Variants in TRPM1 observed in about 807,000 individuals in gnomAD.
TRPM1 encodes the protein transient receptor potential cation channel subfamily M member 1.
A neutral mutation model predicts 149.4 loss-of-function variants in TRPM1; 113 were observed. That is an observed-to-expected ratio of 0.76 (90% confidence interval 0.65 to 0.88). The LOEUF is 0.88. TRPM1 is among the 40% of genes least tolerant of loss of function. The probability of loss-of-function intolerance (pLI) is 0.00; values close to 1 mark genes in which losing one functional copy is unlikely to be tolerated. For missense variants in TRPM1, 1,976 were observed against 2,038.7 expected (o/e 0.97, Z 0.59); for synonymous variants, 741 against 759.5 (o/e 0.98, Z 0.40).
At chr15:31,014,391 C>A (rs1294772498) in intron 27 of TRPM1, among the ~76,000 whole-genome samples, 2 of 152,260 alleles carry the variant, frequency 1.3e-5, no homozygotes, top group Middle Eastern at 3.4e-3. Flanking sequence ...AATTATAATT[C>A]TTTGCATATG....
upstream of TRPM1, among the ~76,000 whole-genome samples, chr15:31,105,223 C>G (rs535711712): frequency 1.3e-5 from 2 of 152,164 alleles, no homozygotes; most frequent in African/African-American, 4.8e-5. Flanking sequence ...CTGACGCCAC[C>G]CCAGGAATCT....
At chr15:31,027,161 A>G (rs1159523903) in intron 25 of TRPM1, 44 bp from the exon 26 acceptor site, 1 of 1,583,670 alleles carries the variant, frequency 6.3e-7, no homozygotes, top group Non-Finnish European at 8.6e-7. Context: ...ATTACTTTTT[A>G]TAGTGATTTC....
At chr15:31,071,326 G>C (rs1289634540) in intron 3 of TRPM1, among the ~76,000 whole-genome samples, 1 of 152,184 alleles carries the variant, frequency 6.6e-6, no homozygotes, top group Non-Finnish European at 1.5e-5. Flanking sequence ...GTGCACCCTA[G>C]CAAATGGGGT....
intron 1 of TRPM1, among the ~76,000 whole-genome samples, chr15:31,122,408 A>G (rs2035892840): frequency 1.3e-5 from 2 of 152,232 alleles, no homozygotes; most frequent in Non-Finnish European, 2.9e-5. Flanking sequence ...TTGCTCACAG[A>G]TGACTTGATG....
chr15:31,002,867 G>A lies in TRPM1; in HGVS notation c.3833C>T (p.Thr1278Met), dbSNP rs768051814. ...RSRASSECEA[T>M]YLLRQSSINS... The stretch of plus-strand genomic sequence containing the variant: ...GATGCTGCTTTGCCGGAGAAGATAC[G>A]TTGCCTCACATTCAGAAGAAGCCCG... Residue 1278 changes from threonine to methionine, a missense_variant, in exon 28 of 28, where the codon ACG becomes ATG. Transcript: ENST00000256552. 37 of 1,614,056 alleles carry A rather than the reference G, an allele frequency of 2.3e-5. No individual in the cohort carries two copies. The Middle Eastern group carries it at 4.9e-4, about 22-fold the overall frequency.
At chr15:31,108,792 C>A (rs1354948423) in intron 1 of TRPM1, among the ~76,000 whole-genome samples, 1 of 152,208 alleles carries the variant, frequency 6.6e-6, no homozygotes, top group Non-Finnish European at 1.5e-5. Context: ...CCGTGCCCAG[C>A]CTTTTTTCTT....
At chr15:31,026,100 C>T (rs1472392346) in intron 27 of TRPM1, 39 bp downstream of exon 27, 1 of 1,607,422 alleles carries the variant, frequency 6.2e-7, no homozygotes, top group Admixed American at 1.7e-5. Context: ...GTCAGCAAAC[C>T]CTTGGCTCAC....
chr15:31,084,580 T>G (rs1005885955), intron 1 of TRPM1, among the ~76,000 whole-genome samples: 2 of 152,184 alleles, frequency 1.3e-5, no homozygotes, highest in Admixed American at 6.5e-5. Context: ...TTACATGAAT[T>G]CATCAGTTGA....
intron 22 of TRPM1, 66 bp from the exon 23 acceptor site, chr15:31,031,223 A>T: frequency 1.3e-6 from 2 of 1,572,910 alleles, no homozygotes; most frequent in Non-Finnish European, 1.7e-6. Flanking sequence ...CTGGCTCATT[A>T]TATTGCTGTC....
In TRPM1 at chr15:31,040,427, T is replaced by C; in HGVS notation, c.2088-81A>G. ...TAGACAGGCATATCCACCAAGGACT[T>C]ATGGAGCCACGGGACACAGTATCCT... On this transcript the variant is annotated intron_variant, in intron 17 of 27. Transcript: ENST00000256552. This position sits in a 1 kb window ranked among gnomAD's most constrained non-coding sequence, Gnocchi z 4.2. 8.4e-7 allele frequency: 1 copy of C among 1,187,164 alleles called. No homozygotes were observed. The highest frequency in any genetic ancestry group is 1.5e-5 in the African/African-American group (1 of 66,892). The allele number at this position is 1,187,164 out of a possible 1,614,324, so 73.5% of individuals were successfully genotyped here.
chr15:31,155,783 T>C (rs2036365434), intron 1 of TRPM1, among the ~76,000 whole-genome samples: 1 of 152,140 alleles, frequency 6.6e-6, no homozygotes, highest in East Asian at 1.9e-4. Context: ...AATTCCTATC[T>C]AAGGGACTGG....
chr15:31,157,445 C>T (rs528675851), intron 1 of TRPM1, among the ~76,000 whole-genome samples: 1 of 152,124 alleles, frequency 6.6e-6, no homozygotes, highest in Non-Finnish European at 1.5e-5. Context: ...TTGTCTAAGG[C>T]AGATGGGTAC....
chr15:31,049,838 A>G (rs960842932), intron 12 of TRPM1, among the ~76,000 whole-genome samples: 1 of 152,186 alleles, frequency 6.6e-6, no homozygotes, highest in African/African-American at 2.4e-5. Context: ...TGCCAGGAGG[A>G]GCTGCATGGG....
chr15:31,140,926 A>C (rs2036152822), intron 1 of TRPM1, among the ~76,000 whole-genome samples: 1 of 151,422 alleles, frequency 6.6e-6, no homozygotes, highest in African/African-American at 2.4e-5. Flanking sequence ...GGTTCAAGTG[A>C]TTCTCCTGCC....
At chr15:31,025,014 G>A (rs2032674353) in intron 27 of TRPM1, among the ~76,000 whole-genome samples, 1 of 152,206 alleles carries the variant, frequency 6.6e-6, no homozygotes, top group South Asian at 2.1e-4. Context: ...GTGGGCTGGG[G>A]CAGAGTTCAC....
chr15:31,038,204 T>G, intron 18 of TRPM1, 38 bp from the exon 19 acceptor site: 2 of 1,611,538 alleles, frequency 1.2e-6, no homozygotes, highest in Non-Finnish European at 1.7e-6. Context: ...CTGTGGCAAT[T>G]CTAGAAAAAT....
intron 5 of TRPM1, 45 bp from the exon 6 acceptor site, chr15:31,067,232 G>T: frequency 2.5e-6 from 4 of 1,613,890 alleles, no homozygotes; most frequent in Non-Finnish European, 3.4e-6. Context: ...TTACTTCCCA[G>T]CACACCATCA....
At chr15:31,035,438 G>T in intron 21 of TRPM1, 108 bp downstream of exon 21, 1 of 1,507,662 alleles carries the variant, frequency 6.6e-7, no homozygotes, top group South Asian at 1.1e-5. Flanking sequence ...GAGCCACCAC[G>T]CCTGGCCCAA....
intron 2 of TRPM1, among the ~76,000 whole-genome samples, chr15:31,079,773 C>T (rs12910328): frequency 0.077 from 11,799 of 152,260 alleles, 608 homozygotes; most frequent in Middle Eastern, 0.13. Context: ...CCTTAATGGG[C>T]TTCACAATAA....
Sources: gnomAD v4.1 joint callset for allele counts (sites outside exome capture counted in the v4.1 genomes callset) on GRCh38, gnomAD v4.1.1 for gene constraint, Gnocchi (gnomAD v3.1) non-coding constraint, MANE v1.5 for transcripts, NCBI Gene and HGNC (gene_info 2026-07-23, HGNC 2026-07-21) for gene names.